The following MMP16 variants were observed in gnomAD, a reference collection of about 807,000 sequenced individuals.
The protein encoded by MMP16 is matrix metallopeptidase 16.
Under a neutral mutation model 67.8 loss-of-function variants are expected in MMP16, and 12 were observed. That is an observed-to-expected ratio of 0.18 (90% CI 0.11 to 0.29). The LOEUF is 0.29. Ranked by LOEUF, MMP16 falls within the 10% of genes least tolerant of loss-of-function variation. The pLI is 1.00. For synonymous variants in MMP16, 249 were observed against 255.9 expected, an observed-to-expected ratio of 0.97 and a Z score of 0.26; for missense variants, 475 against 765.7, an observed-to-expected ratio of 0.62 and a Z score of 4.48.
At chr8:88,052,615 A>C (rs2118216691) in intron 8 of MMP16, among the ~76,000 whole-genome samples, 1 of 152,286 alleles carries the variant, frequency 6.6e-6, no homozygotes, top group Non-Finnish European at 1.5e-5. Flanking sequence ...TAAAATTCAA[A>C]CTGTTTGCCA....
At chr8:88,063,185 T>A (rs903553352) in intron 7 of MMP16, among the ~76,000 whole-genome samples, 8 of 152,120 alleles carry the variant, frequency 5.3e-5, no homozygotes, top group African/African-American at 1.9e-4. Flanking sequence ...TCTATTGCAG[T>A]GATTTTTCAA....
intron 4 of MMP16, among the ~76,000 whole-genome samples, chr8:88,149,583 AC>A (rs1034101907): frequency 1.3e-5 from 2 of 151,758 alleles, no homozygotes; most frequent in Non-Finnish European, 2.9e-5. Flanking sequence ...ACTGGGAGGC[AC>A]CCCCCAGCAG....
intron 1 of MMP16, among the ~76,000 whole-genome samples, chr8:88,295,630 G>C (rs1810999915): frequency 3.5e-3 from 1 of 282 alleles, no homozygotes; most frequent in African/African-American, 7.8e-3. Flanking sequence ...TTTCATTAAA[G>C]AAAGATTTTC....
intron 7 of MMP16, among the ~76,000 whole-genome samples, chr8:88,059,459 A>G (rs1024875857): frequency 7.2e-5 from 11 of 152,128 alleles, no homozygotes; most frequent in Non-Finnish European, 1.2e-4. Context: ...GATTTTCTAC[A>G]AAGTCCAAAT....
At position 88,327,253 on chromosome 8, in the gene MMP16, C is replaced by T. The variant is rs1370128274; in HGVS notation, c.-47G>A. 6.2e-7 allele frequency: 1 copy of T among 1,610,752 alleles called. No homozygotes were observed. Reference sequence around the variant, plus strand: ...TGGACGAGCTCCCCTTCGTTTTCTCCCTCTCTCCCTCTCCCTCCCTCCCTC... The same window carrying T: ...TGGACGAGCTCCCCTTCGTTTTCTCTCTCTCTCCCTCTCCCTCCCTCCCTC... On this transcript the variant is annotated 5_prime_UTR_variant, in exon 1 of 10. Coordinates refer to ENST00000286614, the MANE Select transcript of MMP16 (RefSeq NM_005941.5).
intron 1 of MMP16, among the ~76,000 whole-genome samples, chr8:88,282,412 G>C (rs1810756686): frequency 1.3e-5 from 2 of 152,304 alleles, no homozygotes; most frequent in East Asian, 3.9e-4. Flanking sequence ...GAATTACAAA[G>C]TATAGTGAAT....
chr8:88,069,653 T>C, intron 7 of MMP16: 2 of 370,494 alleles, frequency 5.4e-6, no homozygotes, highest in Non-Finnish European at 1.0e-5. Flanking sequence ...TTTCTTGCAA[T>C]GAGACTAATT....
At chr8:88,302,415 A>AC (rs1474703287) in intron 1 of MMP16, among the ~76,000 whole-genome samples, 2 of 152,178 alleles carry the variant, frequency 1.3e-5, no homozygotes, top group Admixed American at 1.3e-4. Context: ...TGCCTCATTT[A>AC]GTCTAATTTG....
chr8:88,248,669 C>G (rs938166591), intron 1 of MMP16, among the ~76,000 whole-genome samples: 2 of 151,802 alleles, frequency 1.3e-5, no homozygotes, highest in Non-Finnish European at 2.9e-5. Flanking sequence ...TAATTTCTCA[C>G]ACATCTGATC....
chr8:88,240,077 T>C (rs1284255629), intron 1 of MMP16, among the ~76,000 whole-genome samples: 2 of 152,176 alleles, frequency 1.3e-5, no homozygotes, highest in African/African-American at 4.8e-5. Context: ...TCACTTAGTG[T>C]TGGGAAGAGC....
intron 7 of MMP16, among the ~76,000 whole-genome samples, chr8:88,064,972 G>T (rs542805531): frequency 6.6e-6 from 1 of 152,192 alleles, no homozygotes; most frequent in Admixed American, 6.6e-5. Context: ...TGGGTCTGAT[G>T]CATCAGTTGG....
intron 1 of MMP16, among the ~76,000 whole-genome samples, chr8:88,206,678 G>A (rs375044190): frequency 1.3e-5 from 2 of 152,164 alleles, no homozygotes; most frequent in East Asian, 3.9e-4. Context: ...ATTTATTTCA[G>A]TGTTTAATAT....
chr8:88,270,431 T>C (rs892590688), intron 1 of MMP16, among the ~76,000 whole-genome samples: 2 of 152,182 alleles, frequency 1.3e-5, no homozygotes, highest in Non-Finnish European at 2.9e-5. Context: ...GCAACTCATA[T>C]AGTATCTGAC....
intron 1 of MMP16, among the ~76,000 whole-genome samples, chr8:88,237,159 T>C (rs898761810): frequency 6.6e-6 from 1 of 152,140 alleles, no homozygotes; most frequent in African/African-American, 2.4e-5. Flanking sequence ...GATAAGACCA[T>C]CCTCTACAAC....
chr8:88,250,680 T>G (rs1810196146), intron 1 of MMP16, among the ~76,000 whole-genome samples: 1 of 151,914 alleles, frequency 6.6e-6, no homozygotes, highest in African/African-American at 2.4e-5. Flanking sequence ...ATATATAAGT[T>G]TCATTAAGAA....
chr8:88,124,881 T>C (rs763349866), intron 4 of MMP16, among the ~76,000 whole-genome samples: 1 of 151,922 alleles, frequency 6.6e-6, no homozygotes, highest in African/African-American at 2.4e-5. Context: ...TCTCTGTGCA[T>C]ACTCACTTCG....
rs561878428 is a variant in MMP16 at position 88,241,894 on chromosome 8, T to C, written c.133-44588A>G. ...CTCTTTGAAAATATACCATAAATTA[T>C]TAAGTACTATTTTTAGCTAAGACGG... On this transcript the variant is annotated intron_variant, in intron 1 of 9. Transcript: ENST00000286614. 2.2e-4 allele frequency among the ~76,000 whole-genome samples: 34 copies of C among 152,242 alleles called. 1 individual carries two copies. In the South Asian group the frequency reaches 6.0e-3, roughly 27 times the overall value.
chr8:88,252,522 T>A (rs7010876), intron 1 of MMP16, among the ~76,000 whole-genome samples: 93,026 of 151,574 alleles, frequency 0.61, 31,354 homozygotes, highest in East Asian at 0.9. Context: ...ATCTCTTACA[T>A]GTCAAACATA....
chr8:88,201,920 G>A (rs770448769), intron 1 of MMP16, among the ~76,000 whole-genome samples: 10 of 152,086 alleles, frequency 6.6e-5, no homozygotes, highest in South Asian at 4.2e-4. Flanking sequence ...ACATTTTCTC[G>A]TCTAAAAATG....
Sources: allele counts gnomAD v4.1 joint callset (sites outside exome capture counted in the v4.1 genomes callset), GRCh38; gene constraint gnomAD v4.1.1; transcripts MANE v1.5; gene names NCBI Gene and HGNC (gene_info 2026-07-23, HGNC 2026-07-21).